Variants in RAB6B observed in about 807,000 individuals in gnomAD.
RAB6B encodes ras-related protein Rab-6B.
A neutral mutation model predicts 31.2 loss-of-function variants in RAB6B; 7 were observed. That is an observed-to-expected ratio of 0.22 (90% confidence interval 0.13 to 0.42). RAB6B has a LOEUF of 0.42. RAB6B is among the 10% of genes least tolerant of loss of function. The pLI is 1.00. For missense variants in RAB6B, 149 were observed against 280.6 expected (o/e 0.53, Z 3.35); for synonymous variants, 105 against 104.9 (o/e 1.00, Z -0.01).
chr3:133,856,190 G>A (rs1182301367), intron 2 of RAB6B, among the ~76,000 whole-genome samples: 2 of 152,140 alleles, frequency 1.3e-5, no homozygotes, highest in Non-Finnish European at 2.9e-5. Flanking sequence ...TCAGCTTTCT[G>A]TACTAGGAGG....
chr3:133,838,672 C>A (rs1271623281), intron 5 of RAB6B, among the ~76,000 whole-genome samples: 1 of 152,184 alleles, frequency 6.6e-6, no homozygotes, highest in Non-Finnish European at 1.5e-5. Context: ...TCCCCCAGGG[C>A]CACAAAGCTA....
chr3:133,838,408 G>A (rs1935773655), intron 5 of RAB6B, 149 bp from the exon 6 acceptor site: 1 of 714,396 alleles, frequency 1.4e-6, no homozygotes. Flanking sequence ...GTCCCTCCCG[G>A]GCACCAACCA....
rs149336143 is a variant in RAB6B, at chr3:133,888,330, G to A, written c.70+7067C>T. Among the ~76,000 whole-genome samples, 1,356 of 152,366 alleles carry A rather than the reference G, an allele frequency of 8.9e-3. 12 individuals are homozygous for A. The highest frequency in any genetic ancestry group is 0.031 in the Middle Eastern group (9 of 294). On this transcript the variant is annotated intron_variant, in intron 1 of 7. Transcript: ENST00000285208. Reference sequence around the variant, plus strand: ...TGGCTGGGAAGATAAAAAGTGCCCTGTGTGGAGCCTCCGGCATAGTGGATG... The same window carrying A: ...TGGCTGGGAAGATAAAAAGTGCCCTATGTGGAGCCTCCGGCATAGTGGATG...
chr3:133,884,400 T>C (rs1023971439), intron 1 of RAB6B, among the ~76,000 whole-genome samples: 4 of 152,248 alleles, frequency 2.6e-5, no homozygotes, highest in Admixed American at 2.0e-4. Context: ...TCTGGCCCCT[T>C]GGCTTTCAGC....
Position 133,836,247 on chromosome 3 carries a change from T to C in RAB6B, c.496-1606A>G, listed in dbSNP as rs1159840126. ...GGCTCTGCAGTGGGGTAGCCATTAG[T>C]AGGCAAGGGTAAAAGGGCCCAGGCC... On this transcript the variant is annotated intron_variant, in intron 6 of 7. Transcript: ENST00000285208. 4.6e-5 allele frequency among the ~76,000 whole-genome samples: 7 copies of C among 152,296 alleles called. No homozygotes were observed. The East Asian group carries it at 1.4e-3, about 29-fold the overall frequency.
intron 1 of RAB6B, among the ~76,000 whole-genome samples, chr3:133,892,365 G>A (rs1002413928): frequency 1.3e-5 from 2 of 152,158 alleles, no homozygotes; most frequent in Non-Finnish European, 2.9e-5. Context: ...ACAGGCCAGG[G>A]GGACAGCTGC....
At chr3:133,838,346 G>A in intron 5 of RAB6B, 87 bp from the exon 6 acceptor site, 7 of 1,236,860 alleles carry the variant, frequency 5.7e-6, no homozygotes, top group Admixed American at 1.7e-5. Flanking sequence ...GCAGGGCAGA[G>A]GGAGCCCACT....
intron 1 of RAB6B, among the ~76,000 whole-genome samples, chr3:133,869,182 C>T (rs149238667): frequency 6.6e-6 from 1 of 152,180 alleles, no homozygotes; most frequent in East Asian, 1.9e-4. Flanking sequence ...AGAAAACACT[C>T]GTGAGAAGAA....
In RAB6B at chr3:133,874,407, T is replaced by C. The variant is rs555972927; in HGVS notation, c.71-9765A>G. ...CAGCACATTATTGCAGTGAATACTG[T>C]AGGCAATTGTAACTCAGTGGTATTT... is the stretch of plus-strand genomic sequence containing the variant. On this transcript the variant is annotated intron_variant, in intron 1 of 7. Coordinates refer to ENST00000285208, the MANE Select transcript of RAB6B (RefSeq NM_016577.4). Among the ~76,000 whole-genome samples, 8 of 152,352 alleles carry C rather than the reference T, an allele frequency of 5.3e-5. No homozygotes were observed. In the East Asian group the frequency reaches 1.3e-3, roughly 26 times the overall value.
chr3:133,871,469 GCC>G (rs1323754567), intron 1 of RAB6B, among the ~76,000 whole-genome samples: 1 of 152,192 alleles, frequency 6.6e-6, no homozygotes, highest in Non-Finnish European at 1.5e-5. Flanking sequence ...AAAATCATTT[GCC>G]CACATTTCTC....
At position 133,828,125 on chromosome 3, in the gene RAB6B, C is replaced by T. The variant is rs1449978285; in HGVS notation, c.*663G>A. 9.5e-6 allele frequency: 6 copies of T among 628,658 alleles called. No individual in the cohort carries two copies. The highest frequency in any genetic ancestry group is 2.3e-5 in the Admixed American group (1 of 42,872). The allele number at this position is 628,658 out of a possible 1,614,324, so 38.9% of individuals were successfully genotyped here. On this transcript the variant is annotated 3_prime_UTR_variant, in exon 8 of 8. Transcript: ENST00000285208. The stretch of plus-strand genomic sequence containing the variant: ...GAGCAGTTCCTCTGGGGGCTGCTGC[C>T]GGGCTGCCTAGAGCCCACAGACCTT...
intron 2 of RAB6B, among the ~76,000 whole-genome samples, chr3:133,851,319 GC>G (rs372064788): frequency 2.1e-4 from 32 of 152,324 alleles, no homozygotes; most frequent in African/African-American, 7.2e-4. Context: ...GAGGTGTGAA[GC>G]CACACAGTTT....
intron 1 of RAB6B, among the ~76,000 whole-genome samples, chr3:133,883,911 C>T (rs1036881571): frequency 1.3e-5 from 2 of 152,166 alleles, no homozygotes; most frequent in African/African-American, 2.4e-5. Context: ...AACAGAGGGA[C>T]CAGAGGAGGC....
At chr3:133,841,077 G>A (rs2107991222) in intron 4 of RAB6B, among the ~76,000 whole-genome samples, 1 of 152,316 alleles carries the variant, frequency 6.6e-6, no homozygotes, top group African/African-American at 2.4e-5. Context: ...GTCGGTTGCA[G>A]GAGGGTGGGG....
intron 1 of RAB6B, among the ~76,000 whole-genome samples, chr3:133,879,694 A>AT (rs1180536001): frequency 1.2e-4 from 18 of 152,198 alleles, no homozygotes; most frequent in Non-Finnish European, 2.2e-4. Flanking sequence ...ATCTGACCAA[A>AT]CAGCTTGTGT....
chr3:133,838,902 C>G (rs1233771964), intron 5 of RAB6B, among the ~76,000 whole-genome samples: 4 of 152,212 alleles, frequency 2.6e-5, no homozygotes. Context: ...TTTATCTGCC[C>G]AAGTCAGGGT....
At chr3:133,848,213 C>G (rs1333346427) in intron 2 of RAB6B, among the ~76,000 whole-genome samples, 1 of 152,220 alleles carries the variant, frequency 6.6e-6, no homozygotes, top group African/African-American at 2.4e-5. Flanking sequence ...GCGCCCACGC[C>G]TCTGGAAGCC....
Position 133,869,698 on chromosome 3 carries a change from C to T in RAB6B, c.71-5056G>A, listed in dbSNP as rs1192340730. 2.0e-5 allele frequency among the ~76,000 whole-genome samples: 3 copies of T among 152,226 alleles called. No individual in the cohort carries two copies. The East Asian group carries it at 5.8e-4, about 29-fold the overall frequency. Reference sequence around the variant, plus strand: ...GGCTAGCTTAGAAAAAATAGCACAGCTTCTGCCTGGAGTGTGCTCACACTG... The same window carrying T: ...GGCTAGCTTAGAAAAAATAGCACAGTTTCTGCCTGGAGTGTGCTCACACTG... On this transcript the variant is annotated intron_variant, in intron 1 of 7. Transcript: ENST00000285208.
intron 7 of RAB6B, among the ~76,000 whole-genome samples, chr3:133,832,895 C>T (rs1378343930): frequency 3.9e-5 from 6 of 152,186 alleles, no homozygotes; most frequent in African/African-American, 9.6e-5. Flanking sequence ...AGGACGATGA[C>T]GAGCTCACTG....
Sources: gnomAD v4.1 joint callset for allele counts (sites outside exome capture counted in the v4.1 genomes callset) on GRCh38, gnomAD v4.1.1 for gene constraint, MANE v1.5 for transcripts, NCBI Gene and HGNC (gene_info 2026-07-23, HGNC 2026-07-21) for gene names.